The following TEC variants were observed in gnomAD, a reference collection of about 807,000 sequenced individuals.
The protein encoded by TEC is tyrosine-protein kinase Tec.
TEC carries 72 observed loss-of-function variants against 93.0 expected under a neutral mutation model. The observed-to-expected ratio is 0.77, with a 90% CI of 0.64 to 0.94. The LOEUF (loss-of-function observed/expected upper bound fraction) is 0.94, where lower values mean the gene tolerates loss of function less well. Among genes scored for constraint, TEC ranks in the 40% least tolerant of loss-of-function variants. The pLI, the probability that TEC is intolerant of heterozygous loss-of-function variation, is 0.00. For missense variants in TEC, 630 were observed against 757.9 expected, an observed-to-expected ratio of 0.83 and a Z score of 1.98; for synonymous variants, 249 against 247.7, an observed-to-expected ratio of 1.01 and a Z score of -0.05.
chr4:48,199,019 G>A (rs1034762802), intron 2 of TEC, among the ~76,000 whole-genome samples: 19 of 151,876 alleles, frequency 1.3e-4, no homozygotes, highest in Admixed American at 4.6e-4. Context: ...ATATTCTATC[G>A]GCCAGAGGCT....
At chr4:48,223,505 T>C (rs1376589176) in intron 2 of TEC, among the ~76,000 whole-genome samples, 1 of 152,200 alleles carries the variant, frequency 6.6e-6, no homozygotes, top group Non-Finnish European at 1.5e-5. Context: ...TAAGCCTTAG[T>C]TCTGCATTTT....
intron 1 of TEC, among the ~76,000 whole-genome samples, chr4:48,239,939 T>C (rs771551022): frequency 2.0e-5 from 3 of 151,784 alleles, no homozygotes; most frequent in South Asian, 2.1e-4. Flanking sequence ...GAGGATTTGA[T>C]GATATTAAGA....
rs1026688676 is a variant in TEC at position 48,261,701 on chromosome 4, TGTAA to T, written c.-46+8047_-46+8050del. Among the ~76,000 whole-genome samples the T allele has an allele frequency of 3.9e-4, 59 of 152,336 alleles. 1 individual carries two copies. Among genetic ancestry groups the T allele is most frequent in the Admixed American group, 1.9e-3 (29 of 15,306 alleles). On this transcript the variant is annotated intron_variant, in intron 1 of 17. Coordinates refer to ENST00000381501, the MANE Select transcript of TEC (RefSeq NM_003215.3). ...GGATACTTGACAGGGAGTTTCACCT[TGTAA>T]GTATCTCATATAGTACATGACAAGT... is the stretch of plus-strand genomic sequence containing the variant.
At chr4:48,200,179 G>A (rs1285268486) in intron 2 of TEC, among the ~76,000 whole-genome samples, 2 of 152,078 alleles carry the variant, frequency 1.3e-5, no homozygotes, top group African/African-American at 4.8e-5. Flanking sequence ...ATTCAAGGGA[G>A]GGGATACACG....
intron 2 of TEC, among the ~76,000 whole-genome samples, chr4:48,219,573 A>G (rs1490920709): frequency 1.3e-5 from 2 of 152,236 alleles, no homozygotes; most frequent in Admixed American, 6.5e-5. Flanking sequence ...GATCTTTCTT[A>G]TAAGTGCAGA....
At chr4:48,155,357 T>C (rs1054147315) in intron 9 of TEC, among the ~76,000 whole-genome samples, 1 of 152,240 alleles carries the variant, frequency 6.6e-6, no homozygotes, top group Non-Finnish European at 1.5e-5. Context: ...GTTGGAATGC[T>C]GGTAGGGACA....
At chr4:48,150,363 C>A (rs1254371427) in intron 10 of TEC, among the ~76,000 whole-genome samples, 1 of 152,174 alleles carries the variant, frequency 6.6e-6, no homozygotes, top group African/African-American at 2.4e-5. Flanking sequence ...CCAAGTTTTT[C>A]CTGCTCGCCT....
chr4:48,181,919 A>C (rs1441991154), intron 2 of TEC, among the ~76,000 whole-genome samples: 1 of 152,064 alleles, frequency 6.6e-6, no homozygotes, highest in Non-Finnish European at 1.5e-5. Context: ...CTCCATTTAG[A>C]CTATTCTTTA....
intron 8 of TEC, among the ~76,000 whole-genome samples, chr4:48,163,306 C>G (rs2109535767): frequency 6.6e-6 from 1 of 152,236 alleles, no homozygotes; most frequent in Admixed American, 6.5e-5. Context: ...AGGAAATATA[C>G]TAATGCTGAC....
intron 9 of TEC, among the ~76,000 whole-genome samples, chr4:48,151,924 A>C (rs1286729006): frequency 6.6e-6 from 1 of 152,252 alleles, no homozygotes; most frequent in African/African-American, 2.4e-5. Flanking sequence ...AATAGACCCT[A>C]CGAACCTCAA....
intron 1 of TEC, among the ~76,000 whole-genome samples, chr4:48,235,381 T>C (rs990968265): frequency 2.0e-5 from 3 of 152,102 alleles, no homozygotes; most frequent in Non-Finnish European, 2.9e-5. Flanking sequence ...ATGAAAAAGT[T>C]TGAAAAAATG....
chr4:48,164,896 G>T (rs1401985821), intron 7 of TEC, among the ~76,000 whole-genome samples: 2 of 152,084 alleles, frequency 1.3e-5, no homozygotes, highest in South Asian at 4.2e-4. Flanking sequence ...CCAGCTACTT[G>T]GGAGGCCGAG....
intron 8 of TEC, among the ~76,000 whole-genome samples, chr4:48,157,586 A>G (rs958546887): frequency 6.6e-6 from 1 of 151,800 alleles, no homozygotes; most frequent in African/African-American, 2.4e-5. Flanking sequence ...TGAAATCTCA[A>G]CTCACTGCAA....
At chr4:48,258,102 A>G (rs571787261) in intron 1 of TEC, among the ~76,000 whole-genome samples, 3 of 151,620 alleles carry the variant, frequency 2.0e-5, no homozygotes, top group East Asian at 1.9e-4. Flanking sequence ...GTACATCTAC[A>G]TGTACAGATC....
At chr4:48,170,084 T>C (rs1389207762) in intron 5 of TEC, among the ~76,000 whole-genome samples, 164 bp downstream of exon 5, 1 of 152,206 alleles carries the variant, frequency 6.6e-6, no homozygotes, top group Non-Finnish European at 1.5e-5. Flanking sequence ...CGAGAAGGTC[T>C]CACTGTAACT....
intron 12 of TEC, 98 bp from the exon 13 acceptor site, chr4:48,145,677 A>G (rs1330567179): frequency 7.7e-7 from 1 of 1,291,166 alleles, no homozygotes; most frequent in African/African-American, 1.5e-5. Context: ...TCAACCTCAA[A>G]ATTACAGGAT....
chr4:48,232,754 A>G (rs548979239), intron 1 of TEC, among the ~76,000 whole-genome samples: 1 of 152,356 alleles, frequency 6.6e-6, no homozygotes, highest in African/African-American at 2.4e-5. Flanking sequence ...ATAGAAAACA[A>G]AAAAGGAAAC....
At chr4:48,247,822 C>T (rs949226877) in intron 1 of TEC, among the ~76,000 whole-genome samples, 1 of 152,174 alleles carries the variant, frequency 6.6e-6, no homozygotes, top group Non-Finnish European at 1.5e-5. Context: ...AATCACTAGA[C>T]TACTCTGTAA....
intron 2 of TEC, among the ~76,000 whole-genome samples, chr4:48,200,407 G>C (rs1722463055): frequency 6.6e-6 from 1 of 152,144 alleles, no homozygotes; most frequent in South Asian, 2.1e-4. Flanking sequence ...TTTCTTGTAG[G>C]GTTTTAGGCA....
Sources: allele counts gnomAD v4.1 joint callset (sites outside exome capture counted in the v4.1 genomes callset), GRCh38; gene constraint gnomAD v4.1.1; transcripts MANE v1.5; gene names NCBI Gene and HGNC (gene_info 2026-07-23, HGNC 2026-07-21).